ASZ1: variants seen among roughly 807,000 people sequenced by gnomAD.
ASZ1 encodes the protein ankyrin repeat, SAM and basic leucine zipper domain-containing protein 1.
Under a neutral mutation model 61.8 loss-of-function variants are expected in ASZ1, and 67 were observed. That is an observed-to-expected ratio of 1.08 (90% CI 0.89 to 1.33). The LOEUF (loss-of-function observed/expected upper bound fraction) is 1.33. Among genes scored for constraint, ASZ1 ranks in the 40% most tolerant of loss-of-function variants. The probability of loss-of-function intolerance (pLI) is 0.00; values close to 1 mark genes in which losing one functional copy is unlikely to be tolerated. For synonymous variants in ASZ1, 193 were observed against 192.7 expected (o/e 1.00, Z -0.01); for missense variants, 577 against 554.5 (o/e 1.04, Z -0.41).
chr7:117,422,547 C>T (rs1030107201), intron 2 of ASZ1, among the ~76,000 whole-genome samples, 188 bp from the exon 3 acceptor site: 2 of 152,190 alleles, frequency 1.3e-5, no homozygotes, highest in Admixed American at 1.3e-4. Context: ...TTGCTAACTT[C>T]AGTTTCACTA....
chr7:117,363,495 G>T lies in ASZ1; in HGVS notation c.*101C>A. On this transcript the variant is annotated 3_prime_UTR_variant, in exon 13 of 13. Coordinates refer to ENST00000284629, the MANE Select transcript of ASZ1 (RefSeq NM_130768.3). ...TCAAAATTTTTCCTATGGAATATTG[G>T]CAAAGAATGTAAAGTTATATTGTGC... 1.9e-6 allele frequency: 2 copies of T among 1,053,456 alleles called. No homozygotes were observed. The highest frequency in any genetic ancestry group is 3.0e-5 in the East Asian group (1 of 33,162). 65.3% of individuals were successfully genotyped at this position (1,053,456 alleles called of 1,614,324 possible).
At chr7:117,424,651 C>A (rs1218024594) in intron 2 of ASZ1, among the ~76,000 whole-genome samples, 1 of 152,214 alleles carries the variant, frequency 6.6e-6, no homozygotes. Flanking sequence ...GCCTCTATCA[C>A]ATTCACTGTA....
intron 4 of ASZ1, among the ~76,000 whole-genome samples, chr7:117,387,557 A>C (rs1036168406): frequency 1.1e-4 from 17 of 152,316 alleles, no homozygotes; most frequent in African/African-American, 4.1e-4. Context: ...GCTTAAGACT[A>C]GGCATAATTC....
intron 4 of ASZ1, among the ~76,000 whole-genome samples, chr7:117,402,440 CATG>C (rs1337617830): frequency 6.6e-6 from 1 of 152,150 alleles, no homozygotes; most frequent in Admixed American, 6.5e-5. Context: ...GTTGTTGCTC[CATG>C]ATGATATATT....
At chr7:117,374,769 G>A (rs1796107623) in intron 10 of ASZ1, among the ~76,000 whole-genome samples, 1 of 152,038 alleles carries the variant, frequency 6.6e-6, no homozygotes, top group African/African-American at 2.4e-5. Flanking sequence ...ATTTCTTACA[G>A]GGAACTTGTA....
At chr7:117,369,007 C>T (rs1165850180) in intron 10 of ASZ1, among the ~76,000 whole-genome samples, 1 of 152,138 alleles carries the variant, frequency 6.6e-6, no homozygotes, top group African/African-American at 2.4e-5. Flanking sequence ...ATTTGAGTAG[C>T]TACTATGTGA....
intron 4 of ASZ1, among the ~76,000 whole-genome samples, chr7:117,398,969 C>T (rs1406273312): frequency 2.0e-5 from 3 of 152,194 alleles, no homozygotes; most frequent in Non-Finnish European, 4.4e-5. Context: ...TGGCTCAAAC[C>T]TGTAGTATCA....
intron 4 of ASZ1, among the ~76,000 whole-genome samples, chr7:117,405,633 C>T (rs1796768390): frequency 6.6e-6 from 1 of 152,322 alleles, no homozygotes; most frequent in South Asian, 2.1e-4. Flanking sequence ...TGTGGATTTC[C>T]TTTTCCCTGA....
intron 4 of ASZ1, among the ~76,000 whole-genome samples, chr7:117,415,890 T>C (rs994659351): frequency 3.3e-5 from 5 of 152,058 alleles, no homozygotes; most frequent in African/African-American, 7.2e-5. Context: ...AACAATTCAG[T>C]AGGTAAAATA....
intron 2 of ASZ1, among the ~76,000 whole-genome samples, chr7:117,425,363 T>A (rs1384507394): frequency 6.8e-6 from 1 of 146,972 alleles, no homozygotes; most frequent in Non-Finnish European, 1.5e-5. Flanking sequence ...CCTCCCGGGT[T>A]CACGCCATTC....
At chr7:117,422,622 T>C (rs1400941761) in intron 2 of ASZ1, among the ~76,000 whole-genome samples, 2 of 152,192 alleles carry the variant, frequency 1.3e-5, no homozygotes, top group Non-Finnish European at 2.9e-5. Context: ...AGTATGTATA[T>C]TATAACAGGT....
At chr7:117,366,316 G>A (rs543891822) in intron 12 of ASZ1, among the ~76,000 whole-genome samples, 4 of 152,122 alleles carry the variant, frequency 2.6e-5, no homozygotes, top group African/African-American at 9.6e-5. Flanking sequence ...TAGCTAGAAT[G>A]ACAATTTATT....
At chr7:117,396,984 C>A (rs568729950) in intron 4 of ASZ1, among the ~76,000 whole-genome samples, 17 of 150,780 alleles carry the variant, frequency 1.1e-4, no homozygotes, top group Middle Eastern at 6.9e-3. Context: ...AAACAAAAAC[C>A]AAACTAGAAA....
Position 117,367,351 on chromosome 7 carries a change from C to T in ASZ1, c.1275+1G>A. ...CCCTCCTTTTAATGTTAAATATATACCTTTTGAATTAGGTCTTTTAGTTTG... is the reference window on the plus strand; with the variant it reads ...CCCTCCTTTTAATGTTAAATATATATCTTTTGAATTAGGTCTTTTAGTTTG... On this transcript the variant is annotated splice_donor_variant, in intron 12 of 12. Coordinates refer to ENST00000284629, the MANE Select transcript of ASZ1 (RefSeq NM_130768.3). LOFTEE classifies it high-confidence loss of function. The T allele has an allele frequency of 6.6e-7, 1 of 1,516,496 alleles. No individual in the cohort carries two copies. The highest frequency in any genetic ancestry group is 2.2e-5 in the Admixed American group (1 of 45,218). The allele number at this position is 1,516,496 out of a possible 1,614,324, so 93.9% of individuals were successfully genotyped here.
chr7:117,396,641 T>A (rs965465270), intron 4 of ASZ1, among the ~76,000 whole-genome samples: 1 of 152,236 alleles, frequency 6.6e-6, no homozygotes, highest in Non-Finnish European at 1.5e-5. Context: ...ATTATTCATT[T>A]ACTTTGCTGA....
At chr7:117,377,519 C>T (rs1443638553) in intron 10 of ASZ1, among the ~76,000 whole-genome samples, 5 of 151,854 alleles carry the variant, frequency 3.3e-5, no homozygotes, top group Non-Finnish European at 5.9e-5. Context: ...CAGGGCGAGA[C>T]CTGGTCTCAA....
chr7:117,403,631 T>C (rs1166365960), intron 4 of ASZ1, among the ~76,000 whole-genome samples: 1 of 152,204 alleles, frequency 6.6e-6, no homozygotes, highest in Non-Finnish European at 1.5e-5. Flanking sequence ...CTTGTAATAC[T>C]AGTTCAACAT....
chr7:117,423,156 T>C (rs765313981), intron 2 of ASZ1, among the ~76,000 whole-genome samples: 3 of 152,138 alleles, frequency 2.0e-5, no homozygotes, highest in Non-Finnish European at 2.9e-5. Context: ...GACAATCGAA[T>C]GACAAGCAGT....
At chr7:117,395,453 T>A (rs1445502639) in intron 4 of ASZ1, among the ~76,000 whole-genome samples, 1 of 152,124 alleles carries the variant, frequency 6.6e-6, no homozygotes, top group Non-Finnish European at 1.5e-5. Flanking sequence ...TTTAGATTTT[T>A]AAAAATGTCT....
Sources: allele counts gnomAD v4.1 joint callset (sites outside exome capture counted in the v4.1 genomes callset), GRCh38; gene constraint gnomAD v4.1.1; transcripts MANE v1.5; gene names NCBI Gene and HGNC (gene_info 2026-07-23, HGNC 2026-07-21).